The following CD200R1L variants were observed in gnomAD, a reference collection of about 807,000 sequenced individuals.
CD200R1L encodes CD200 receptor 1 like, also known as cell surface glycoprotein CD200 receptor 2.
A neutral mutation model predicts 24.8 loss-of-function variants in CD200R1L; 14 were observed. The observed-to-expected ratio is 0.56, with a 90% CI of 0.37 to 0.88. CD200R1L has a LOEUF of 0.88. Ranked by LOEUF, CD200R1L falls within the 40% of genes least tolerant of loss-of-function variation. The pLI, the probability that CD200R1L is intolerant of heterozygous loss-of-function variation, is 0.00. For missense variants in CD200R1L, 299 were observed against 297.8 expected (o/e 1.00, Z -0.03); for synonymous variants, 111 against 109.2 (o/e 1.02, Z -0.11).
intron 3 of CD200R1L, among the ~76,000 whole-genome samples, chr3:112,830,721 A>G (rs1017925560): frequency 2.0e-4 from 30 of 152,030 alleles, no homozygotes; most frequent in Admixed American, 2.0e-3. Flanking sequence ...CTACATGCCA[A>G]TTTCTTCTAT....
At chr3:112,834,397 G>T (rs186451291) in intron 3 of CD200R1L, among the ~76,000 whole-genome samples, 50 of 152,080 alleles carry the variant, frequency 3.3e-4, no homozygotes, top group African/African-American at 1.2e-3. Context: ...TTTTAGATTT[G>T]TGAGTCTAGG....
intron 7 of CD200R1L, among the ~76,000 whole-genome samples, chr3:112,817,224 A>G (rs1576082973): frequency 6.6e-6 from 1 of 152,008 alleles, no homozygotes; most frequent in Non-Finnish European, 1.5e-5. Flanking sequence ...TATATATAGT[A>G]TATATATAAT....
At position 112,819,674 on chromosome 3, in the gene CD200R1L, A is replaced by G. The variant is rs1049051736; in HGVS notation, c.740+98T>C. On this transcript the variant is annotated intron_variant, in intron 7 of 7. Coordinates refer to ENST00000488794, the MANE Select transcript of CD200R1L (RefSeq NM_001199215.3). ...GAGGGAGAATACAACATACCAAAAAAGTGTCAAGCTTTTCCCAGTACATTG... is the reference window on the plus strand; with the variant it reads ...GAGGGAGAATACAACATACCAAAAAGGTGTCAAGCTTTTCCCAGTACATTG... The G allele has an allele frequency of 1.2e-5, 16 of 1,308,140 alleles. No homozygotes were observed. In the African/African-American group the frequency reaches 1.5e-4, roughly 13 times the overall value. 81.0% of individuals were successfully genotyped at this position (1,308,140 alleles called of 1,614,324 possible).
chr3:112,843,194 G>A (rs1051782657), intron 2 of CD200R1L, among the ~76,000 whole-genome samples: 10 of 152,080 alleles, frequency 6.6e-5, no homozygotes, highest in Non-Finnish European at 1.2e-4. Context: ...AGAGGTCAAC[G>A]TGCAAATTTG....
chr3:112,835,718 G>C (rs72950326), intron 3 of CD200R1L, among the ~76,000 whole-genome samples: 35,095 of 152,188 alleles, frequency 0.23, 4,536 homozygotes, highest in African/African-American at 0.34. Context: ...CCAACATCAA[G>C]CTGCCCTCAG....
chr3:112,819,668 CA>C, intron 7 of CD200R1L, 103 bp downstream of exon 7: 2 of 1,274,740 alleles, frequency 1.6e-6, no homozygotes, highest in Non-Finnish European at 2.1e-6. Flanking sequence ...TACAACATAC[CA>C]AAAAAGTGTC....
At chr3:112,831,957 T>G (rs1938811523) in intron 3 of CD200R1L, among the ~76,000 whole-genome samples, 1 of 152,192 alleles carries the variant, frequency 6.6e-6, no homozygotes, top group Non-Finnish European at 1.5e-5. Context: ...AGTGAAAATA[T>G]CAGTAGAAAG....
intron 3 of CD200R1L, among the ~76,000 whole-genome samples, chr3:112,830,349 C>A (rs536548270): frequency 1.8e-4 from 28 of 152,170 alleles, no homozygotes; most frequent in African/African-American, 6.7e-4. Context: ...CAGTGGACAT[C>A]ATCATGGGTG....
intron 7 of CD200R1L, 69 bp from the exon 8 acceptor site, chr3:112,816,044 G>T (rs1938382494): frequency 2.1e-5 from 16 of 757,320 alleles, no homozygotes; most frequent in Middle Eastern, 2.6e-4. Flanking sequence ...GGCATACTCA[G>T]CAAAGGAAAC....
Position 112,841,677 on chromosome 3 carries a change from G to A in CD200R1L, c.-86-3667C>T, listed in dbSNP as rs188841693. Among the ~76,000 whole-genome samples, 6 of 152,266 alleles carry A rather than the reference G, an allele frequency of 3.9e-5. No homozygotes were observed. In the East Asian group the frequency reaches 1.2e-3, roughly 29 times the overall value. ...ACCCTTGTCCACCAGCCCCACCCAA[G>A]GCCCATGCCTTGCCACTCCTGAAAT... On this transcript the variant is annotated intron_variant, in intron 2 of 7. Coordinates refer to ENST00000488794, the MANE Select transcript of CD200R1L (RefSeq NM_001199215.3).
At chr3:112,829,037 G>A (rs1294896450) in intron 4 of CD200R1L, among the ~76,000 whole-genome samples, 1 of 152,180 alleles carries the variant, frequency 6.6e-6, no homozygotes, top group Non-Finnish European at 1.5e-5. Context: ...CACATAACCA[G>A]ATGCAGAAAG....
intron 3 of CD200R1L, chr3:112,829,736 C>T (rs1165429191): frequency 1.9e-5 from 3 of 156,860 alleles, no homozygotes; most frequent in African/African-American, 7.2e-5. Flanking sequence ...CAATTATACT[C>T]CTTTCTCCAA....
intron 2 of CD200R1L, among the ~76,000 whole-genome samples, chr3:112,838,539 C>T (rs1314585787): frequency 2.7e-5 from 4 of 148,326 alleles, no homozygotes; most frequent in Admixed American, 2.7e-4. Context: ...GACAAAGAAA[C>T]AGGAAACCAT....
In CD200R1L at chr3:112,819,648, G is replaced by A. The variant is rs1447956822; in HGVS notation, c.740+124C>T. The stretch of plus-strand genomic sequence containing the variant: ...ATGCCTTCACATTAAAGAAGGGGCT[G>A]GAGGGAGAATACAACATACCAAAAA... On this transcript the variant is annotated intron_variant, in intron 7 of 7. Transcript: ENST00000488794. 4 of 983,454 alleles carry A rather than the reference G, an allele frequency of 4.1e-6. No homozygotes were observed. The Admixed American group carries it at 1.5e-4, about 36-fold the overall frequency. The allele number at this position is 983,454 out of a possible 1,614,324, so 60.9% of individuals were successfully genotyped here.
intron 4 of CD200R1L, among the ~76,000 whole-genome samples, chr3:112,828,568 T>C (rs1187731744): frequency 3.3e-5 from 5 of 152,270 alleles, no homozygotes; most frequent in Non-Finnish European, 7.3e-5. Context: ...CCTTCCTTCC[T>C]GTTTAGTCAC....
intron 2 of CD200R1L, among the ~76,000 whole-genome samples, chr3:112,841,985 G>A (rs554000169): frequency 6.6e-6 from 1 of 152,342 alleles, no homozygotes; most frequent in South Asian, 2.1e-4. Flanking sequence ...CCCTTTATCT[G>A]TGAGACTGAT....
At chr3:112,837,451 A>G (rs56206000) in intron 3 of CD200R1L, among the ~76,000 whole-genome samples, 17,205 of 152,192 alleles carry the variant, frequency 0.11, 1,008 homozygotes, top group East Asian at 0.19. Context: ...CATGCACACT[A>G]AACTCCTCCC....
chr3:112,839,933 C>T (rs1939041318), intron 2 of CD200R1L, among the ~76,000 whole-genome samples: 1 of 152,172 alleles, frequency 6.6e-6, no homozygotes, highest in Admixed American at 6.5e-5. Flanking sequence ...AGACTTATAA[C>T]TAGACTTGAG....
intron 2 of CD200R1L, among the ~76,000 whole-genome samples, chr3:112,844,751 C>T (rs1208753289): frequency 6.6e-6 from 1 of 152,024 alleles, no homozygotes; most frequent in East Asian, 1.9e-4. Context: ...TGGTAAAACC[C>T]TGACTCTACT....
Sources: gnomAD v4.1 joint callset for allele counts (sites outside exome capture counted in the v4.1 genomes callset) on GRCh38, gnomAD v4.1.1 for gene constraint, MANE v1.5 for transcripts, NCBI Gene and HGNC (gene_info 2026-07-23, HGNC 2026-07-21) for gene names.